PTGER3: variants seen among roughly 807,000 people sequenced by gnomAD.
PTGER3 encodes the protein prostaglandin E receptor 3.
A neutral mutation model predicts 34.7 loss-of-function variants in PTGER3; 22 were observed. The observed-to-expected ratio is 0.63, with a 90% CI of 0.45 to 0.91. The LOEUF (loss-of-function observed/expected upper bound fraction) is 0.91, where lower values mean the gene tolerates loss of function less well. Ranked by LOEUF, PTGER3 falls within the 40% of genes least tolerant of loss-of-function variation. The pLI is 0.00. For synonymous variants in PTGER3, 241 were observed against 230.1 expected, an observed-to-expected ratio of 1.05 and a Z score of -0.43; for missense variants, 468 against 519.4, an observed-to-expected ratio of 0.90 and a Z score of 0.96.
At chr1:70,886,605 C>A (rs1388252865) in intron 4 of PTGER3, among the ~76,000 whole-genome samples, 1 of 152,164 alleles carries the variant, frequency 6.6e-6, no homozygotes. Flanking sequence ...AACCACTTTC[C>A]TCTCTCTCTT....
chr1:70,904,155 G>C (rs985993661), intron 4 of PTGER3, among the ~76,000 whole-genome samples: 4 of 152,116 alleles, frequency 2.6e-5, no homozygotes, highest in Non-Finnish European at 4.4e-5. Context: ...TGTAAGATGT[G>C]ACTTGCTCCT....
chr1:70,941,190 G>T (rs1649726467), intron 4 of PTGER3, among the ~76,000 whole-genome samples: 1 of 152,122 alleles, frequency 6.6e-6, no homozygotes, highest in African/African-American at 2.4e-5. Context: ...CCTCTAACTT[G>T]TAATGATTTT....
In PTGER3 at chr1:71,047,118, C is replaced by G; in HGVS notation, c.460G>C (p.Glu154Gln). 6.2e-7 allele frequency: 1 copy of G among 1,603,396 alleles called. No individual in the cohort carries two copies. Among genetic ancestry groups the G allele is most frequent in the Non-Finnish European group, 8.5e-7 (1 of 1,175,454 alleles). ...GGCGCCCTGATGGCCAGCGCCCGCT[C>G]GACGGCCATGGCGCTGGCGATGAAC... is the stretch of plus-strand genomic sequence containing the variant. ...SLFIASAMAV[E>Q]RALAIRAPHW... Residue 154 changes from glutamate to glutamine, a missense_variant, in exon 1 of 4, where the codon GAG (glutamate) becomes CAG (glutamine). Transcript: ENST00000306666.
intron 4 of PTGER3, among the ~76,000 whole-genome samples, chr1:70,909,016 C>T (rs1647007795): frequency 1.3e-5 from 2 of 152,184 alleles, no homozygotes; most frequent in South Asian, 4.1e-4. Flanking sequence ...CCCATCCACT[C>T]ACTCTCTGTA....
chr1:70,874,093 C>A (rs1293765342), intron 4 of PTGER3, among the ~76,000 whole-genome samples: 1 of 152,054 alleles, frequency 6.6e-6, no homozygotes, highest in East Asian at 1.9e-4. Context: ...AACAAACATA[C>A]AAACAAACAA....
intron 1 of PTGER3, among the ~76,000 whole-genome samples, chr1:71,038,084 A>G (rs1282291359): frequency 1.3e-5 from 2 of 152,220 alleles, no homozygotes; most frequent in African/African-American, 2.4e-5. Flanking sequence ...ATTTCTCAGA[A>G]TGAATCTTAT....
At chr1:71,007,645 T>G (rs550974356) in intron 2 of PTGER3, 1 of 985,442 alleles carries the variant, frequency 1.0e-6, no homozygotes, top group East Asian at 1.1e-4. Context: ...AAGTAGAACG[T>G]TGAAGTGTAT....
intron 4 of PTGER3, among the ~76,000 whole-genome samples, chr1:70,893,150 T>C (rs1201201917): frequency 1.3e-5 from 2 of 152,132 alleles, no homozygotes; most frequent in Non-Finnish European, 2.9e-5. Context: ...AACTGTGTGG[T>C]TTGAGGTTAG....
chr1:70,992,794 T>G (rs975940882), intron 2 of PTGER3, among the ~76,000 whole-genome samples: 7 of 152,184 alleles, frequency 4.6e-5, no homozygotes, highest in African/African-American at 1.7e-4. Flanking sequence ...ACTATATATT[T>G]CCCTCTGAGA....
chr1:71,007,805 G>A (rs993229077), intron 2 of PTGER3: 2 of 984,872 alleles, frequency 2.0e-6, no homozygotes, highest in East Asian at 1.1e-4. Context: ...TTTAATTAAA[G>A]GATCAAAATA....
chr1:70,935,719 T>C (rs920386745), intron 4 of PTGER3, among the ~76,000 whole-genome samples: 2 of 148,386 alleles, frequency 1.3e-5, no homozygotes, highest in Admixed American at 6.7e-5. Context: ...CTTTTAAGCA[T>C]TCAGAATGTG....
rs1653007938 is a variant in PTGER3, at chr1:70,970,861, TG to T, written c.*868del. On this transcript the variant is annotated 3_prime_UTR_variant, in exon 4 of 4. Transcript: ENST00000306666. ...TATTTTATAAAAACGTAATAAAGTT[TG>T]TTATTCAACAACTGTTATTTATTAA... is the stretch of plus-strand genomic sequence containing the variant. 1 of 949,404 alleles carries T rather than the reference TG, an allele frequency of 1.1e-6. No homozygotes were observed. The allele number at this position is 949,404 out of a possible 1,614,324, so 58.8% of individuals were successfully genotyped here.
At chr1:70,991,374 C>T (rs1256910543) in intron 2 of PTGER3, among the ~76,000 whole-genome samples, 1 of 152,172 alleles carries the variant, frequency 6.6e-6, no homozygotes, top group Non-Finnish European at 1.5e-5. Context: ...CTCTCCAAAC[C>T]CTCAGTCTTC....
At chr1:71,003,688 A>G (rs1656687112) in intron 2 of PTGER3, among the ~76,000 whole-genome samples, 1 of 152,190 alleles carries the variant, frequency 6.6e-6, no homozygotes, top group Non-Finnish European at 1.5e-5. Flanking sequence ...CTCCAGTTAC[A>G]TTGATTTACT....
At chr1:71,041,877 G>A (rs1660346039) in intron 1 of PTGER3, among the ~76,000 whole-genome samples, 1 of 152,200 alleles carries the variant, frequency 6.6e-6, no homozygotes, top group African/African-American at 2.4e-5. Context: ...TGCAAGGGCA[G>A]AACCAAAAAC....
In PTGER3 at chr1:70,937,325, T is replaced by C. The variant is rs144560270; in HGVS notation, c.*23+16438A>G. ...CAGTGTTTTTGTAAAGCATTTAACA[T>C]TCCCAATAAACCATTTAATGGACAT... On this transcript the variant is annotated intron_variant, in intron 4 of 4. Coordinates refer to the PTGER3 transcript ENST00000370931. Among the ~76,000 whole-genome samples the C allele has an allele frequency of 3.3e-3, 497 of 152,324 alleles. 4 individuals are homozygous for C. The highest frequency in any genetic ancestry group is 0.011 in the African/African-American group (473 of 41,580).
chr1:70,940,830 T>C (rs1235061300), intron 4 of PTGER3, among the ~76,000 whole-genome samples: 1 of 152,204 alleles, frequency 6.6e-6, no homozygotes, highest in Non-Finnish European at 1.5e-5. Context: ...CTTAGTTGTT[T>C]GTCATTTTCT....
rs537039642 is a variant in PTGER3, at chr1:70,953,660, C to A, written c.1104+103G>T. 5.9e-4 allele frequency: 875 copies of A among 1,492,122 alleles called. 11 individuals carry two copies. The South Asian group carries it at 0.011, about 18-fold the overall frequency. The allele number at this position is 1,492,122 out of a possible 1,614,324, so 92.4% of individuals were successfully genotyped here. ...CACATTCTTGATAGGAAGGAAAACA[C>A]GAACTTTCAATTTAAGGAAATATGA... On this transcript the variant is annotated intron_variant, in intron 3 of 3. Coordinates refer to the PTGER3 transcript ENST00000356595.
rs201480024 is a variant in PTGER3 at position 70,999,004 on chromosome 1, A to AC, written c.1077+13300dup. On this transcript the variant is annotated intron_variant, in intron 2 of 3. Coordinates refer to ENST00000306666, the MANE Select transcript of PTGER3 (RefSeq NM_198719.2). The stretch of plus-strand genomic sequence containing the variant: ...AGACCATCGTGGCTAACACGGTGAA[A>AC]CCCCTTCTCTACCAAAAAACAAAAA... Among the ~76,000 whole-genome samples, 1,270 of 152,136 alleles carry AC rather than the reference A, an allele frequency of 8.3e-3. 29 individuals are homozygous for AC. Among genetic ancestry groups the AC allele is most frequent in the African/African-American group, 0.03 (1,224 of 41,462 alleles).
Sources: gnomAD v4.1 joint callset for allele counts (sites outside exome capture counted in the v4.1 genomes callset) on GRCh38, gnomAD v4.1.1 for gene constraint, MANE v1.5 for transcripts, NCBI Gene and HGNC (gene_info 2026-07-23, HGNC 2026-07-21) for gene names.